Variants in RASL12 observed in about 807,000 individuals in gnomAD.
The protein encoded by RASL12 is ras-like protein family member 12.
Under a neutral mutation model 22.9 loss-of-function variants are expected in RASL12, and 16 were observed. The observed-to-expected ratio is 0.70, with a 90% CI of 0.47 to 1.06. RASL12 has a LOEUF of 1.06. Among genes scored for constraint, RASL12 ranks in the 50% least tolerant of loss-of-function variants. The pLI is 0.00. For synonymous variants in RASL12, 159 were observed against 152.2 expected (o/e 1.04, Z -0.33); for missense variants, 306 against 353.1 (o/e 0.87, Z 1.07).
downstream of RASL12, chr15:65,050,093 T>C: frequency 6.4e-7 from 1 of 1,551,398 alleles, no homozygotes; most frequent in Non-Finnish European, 8.7e-7. Flanking sequence ...TTTTTTCGTG[T>C]GGAAGATGGT....
downstream of RASL12, chr15:65,049,961 A>AG: frequency 6.7e-7 from 1 of 1,486,630 alleles, no homozygotes; most frequent in South Asian, 1.2e-5. Context: ...GCTGGGGCTA[A>AG]GGGGTCTAAG....
At chr15:65,071,325 G>A (rs890216735), upstream of RASL12, among the ~76,000 whole-genome samples, 3 of 152,128 alleles carry the variant, frequency 2.0e-5, no homozygotes, top group South Asian at 6.2e-4. Flanking sequence ...GAGTAGAGAG[G>A]GAGGTTGGTG....
chr15:65,074,964 C>G (rs1237209153), intron 1 of RASL12, among the ~76,000 whole-genome samples: 1 of 152,254 alleles, frequency 6.6e-6, no homozygotes, highest in Non-Finnish European at 1.5e-5. Context: ...ACTGTGGGAG[C>G]CCCTTTCTGG....
intron 4 of RASL12, 136 bp from the exon 5 acceptor site, chr15:65,055,410 C>T (rs1023627418): frequency 2.8e-6 from 2 of 716,494 alleles, no homozygotes; most frequent in African/African-American, 3.6e-5. Flanking sequence ...TCTCAGCGTT[C>T]TTATCAGTAC....
At chr15:65,063,333 G>C (rs2086835758) in intron 2 of RASL12, among the ~76,000 whole-genome samples, 1 of 152,112 alleles carries the variant, frequency 6.6e-6, no homozygotes, top group Non-Finnish European at 1.5e-5. Context: ...CACTGTGTCT[G>C]CTTGTGTGCC....
chr15:65,051,833 G>A (rs1250885829), downstream of RASL12, among the ~76,000 whole-genome samples: 2 of 152,232 alleles, frequency 1.3e-5, no homozygotes, highest in Non-Finnish European at 2.9e-5. Context: ...GCCCTGGACA[G>A]GAAGCAGGCA....
At chr15:65,066,159 G>A (rs2086876898) in intron 1 of RASL12, among the ~76,000 whole-genome samples, 1 of 149,114 alleles carries the variant, frequency 6.7e-6, no homozygotes, top group Admixed American at 6.7e-5. Context: ...AAGAAGAGAG[G>A]GATGAAGGGA....
intron 1 of RASL12, among the ~76,000 whole-genome samples, chr15:65,073,120 C>T (rs2140538939): frequency 6.6e-6 from 1 of 152,292 alleles, no homozygotes; most frequent in South Asian, 2.1e-4. Context: ...ACAAAAAACA[C>T]AGTGGTATGG....
the RASL12 span, among the ~76,000 whole-genome samples, chr15:65,046,257 T>G: frequency 6.6e-6 from 1 of 152,306 alleles, no homozygotes; most frequent in African/African-American, 2.4e-5. Flanking sequence ...GCTGAGATGG[T>G]GCCACTACAC....
chr15:65,053,320 C>CTT, downstream of RASL12: 1 of 1,420,772 alleles, frequency 7.0e-7, no homozygotes, highest in Non-Finnish European at 9.1e-7. Context: ...AATGAATGAA[C>CTT]TGCAAGCAAA....
rs564268354 is a variant in RASL12 at position 65,056,130 on chromosome 15, T to TG, written c.426-857dup. ...TCGGATGTCTACAAGAGGGAAGAGA[T>TG]GGGGGGGTCCCTGAGATCTTGGGGC... On this transcript the variant is annotated intron_variant, in intron 4 of 4. Transcript: ENST00000220062. Among the ~76,000 whole-genome samples, 196 of 151,966 alleles carry TG rather than the reference T, an allele frequency of 1.3e-3. 2 individuals are homozygous for TG. Among genetic ancestry groups the TG allele is most frequent in the African/African-American group, 4.4e-3 (182 of 41,398 alleles).
At chr15:65,067,239 CT>C (rs1423354193) in intron 1 of RASL12, among the ~76,000 whole-genome samples, 4 of 151,914 alleles carry the variant, frequency 2.6e-5, no homozygotes, top group Admixed American at 6.6e-5. Flanking sequence ...TCCCCCAAGC[CT>C]AATCAGGGAG....
chr15:65,050,836 C>CTTCTTTTT (rs759242705), downstream of RASL12, among the ~76,000 whole-genome samples: 3 of 95,650 alleles, frequency 3.1e-5, no homozygotes, highest in African/African-American at 1.3e-4. Flanking sequence ...TCTTCTTCTT[C>CTTCTTTTT]TTTTTTTTTT....
downstream of RASL12, chr15:65,051,428 TG>T: frequency 7.9e-7 from 1 of 1,269,476 alleles, no homozygotes; most frequent in Non-Finnish European, 1.1e-6. Flanking sequence ...TGCTGTAAGC[TG>T]GGTCTGAGCC....
At chr15:65,072,697 G>A (rs755345829), upstream of RASL12, among the ~76,000 whole-genome samples, 24 of 152,168 alleles carry the variant, frequency 1.6e-4, no homozygotes, top group Admixed American at 5.2e-4. Flanking sequence ...AGTGGGAAAA[G>A]TGCCATGGAG....
At chr15:65,052,282 G>A (rs532451625), downstream of RASL12, among the ~76,000 whole-genome samples, 2 of 152,194 alleles carry the variant, frequency 1.3e-5, no homozygotes, top group East Asian at 1.9e-4. Flanking sequence ...TGGTGACAAG[G>A]ACCTACGCTA....
In RASL12 at chr15:65,076,482, G is replaced by C. The variant is rs775668020; in HGVS notation, c.70+47C>G. ...AAACTCCAAACACATCTGAACATCA[G>C]AAAGGACAGACTCCAGACACGCTAC... On this transcript the variant is annotated intron_variant, in intron 1 of 4. Transcript: ENST00000434605. 5 of 664,868 alleles carry C rather than the reference G, an allele frequency of 7.5e-6. No individual in the cohort carries two copies. The East Asian group carries it at 1.4e-4, about 18-fold the overall frequency. 41.2% of individuals were successfully genotyped at this position (664,868 alleles called of 1,614,324 possible).
At position 65,075,191 on chromosome 15, in the gene RASL12, T is replaced by G. The variant is rs541407950; in HGVS notation, c.70+1338A>C. Among the ~76,000 whole-genome samples the G allele has an allele frequency of 2.0e-4, 30 of 152,354 alleles. 1 individual carries two copies. The East Asian group carries it at 5.4e-3, about 27-fold the overall frequency. On this transcript the variant is annotated intron_variant, in intron 1 of 4. Coordinates refer to the RASL12 transcript ENST00000434605. ...GGGCCAGTGGCTGCGGAGGGTGTAC[T>G]GGGTCCCCCAGCAATGCCAGCCCAC... is the stretch of plus-strand genomic sequence containing the variant.
downstream of RASL12, among the ~76,000 whole-genome samples, chr15:65,052,403 T>C (rs2086664827): frequency 7.9e-6 from 1 of 127,232 alleles, no homozygotes; most frequent in Admixed American, 7.3e-5. Context: ...CCTTGGCTTT[T>C]TTTTTTTTTT....
Sources: allele counts gnomAD v4.1 joint callset (sites outside exome capture counted in the v4.1 genomes callset), GRCh38; gene constraint gnomAD v4.1.1; transcripts MANE v1.5; gene names NCBI Gene and HGNC (gene_info 2026-07-23, HGNC 2026-07-21).